Variants in NKAIN1 observed in about 807,000 individuals in gnomAD.
The protein encoded by NKAIN1 is sodium/potassium-transporting ATPase subunit beta-1-interacting protein 1.
In NKAIN1, 13 loss-of-function variants were observed where a neutral mutation model predicts 31.6. The ratio of observed to expected loss-of-function variants is 0.41; its 90% CI spans 0.27 to 0.65. NKAIN1 has a LOEUF of 0.65. NKAIN1 is among the 30% of genes least tolerant of loss of function. The probability of loss-of-function intolerance (pLI) is 0.30; values close to 1 mark genes in which losing one functional copy is unlikely to be tolerated. For synonymous variants in NKAIN1, 104 were observed against 109.0 expected, an observed-to-expected ratio of 0.95 and a Z score of 0.28; for missense variants, 193 against 262.2, an observed-to-expected ratio of 0.74 and a Z score of 1.82.
At chr1:31,212,731 T>G (rs1445821399) in intron 1 of NKAIN1, among the ~76,000 whole-genome samples, 5 of 149,062 alleles carry the variant, frequency 3.4e-5, no homozygotes, top group Admixed American at 6.7e-5. Flanking sequence ...CCAGGCCCGG[T>G]GGCTCAAGCC....
At position 31,216,657 on chromosome 1, in the gene NKAIN1, G is replaced by A. The variant is rs544649989; in HGVS notation, c.54+22837C>T. Among the ~76,000 whole-genome samples, 46 of 147,508 alleles carry A rather than the reference G, an allele frequency of 3.1e-4. 1 individual carries two copies. The highest frequency in any genetic ancestry group is 1.0e-3 in the Admixed American group (15 of 14,706). On this transcript the variant is annotated intron_variant, in intron 1 of 6. Transcript: ENST00000373736. ...GAGGGGCGAGGCCATCATCAGTGGG[G>A]TTTGATCTCCTAGGAACGCCTGTGG...
chr1:31,213,874 G>C (rs570440357), intron 1 of NKAIN1, among the ~76,000 whole-genome samples: 1 of 152,020 alleles, frequency 6.6e-6, no homozygotes, highest in South Asian at 2.1e-4. Context: ...CACACCTGTA[G>C]TCCCAGCTAC....
At chr1:31,222,866 T>C (rs1223898467) in intron 1 of NKAIN1, among the ~76,000 whole-genome samples, 1 of 152,240 alleles carries the variant, frequency 6.6e-6, no homozygotes, top group Admixed American at 6.5e-5. Context: ...TTTCCTCATC[T>C]GTACATGGGA....
At chr1:31,209,391 A>G (rs1259162495) in intron 1 of NKAIN1, among the ~76,000 whole-genome samples, 1 of 151,856 alleles carries the variant, frequency 6.6e-6, no homozygotes, top group East Asian at 1.9e-4. Context: ...AAACAAAACA[A>G]AACAAAAAAA....
intron 1 of NKAIN1, among the ~76,000 whole-genome samples, chr1:31,208,641 G>GCGT: frequency 6.6e-6 from 1 of 150,698 alleles, no homozygotes; most frequent in Admixed American, 6.6e-5. Flanking sequence ...GGGGGAGGGG[G>GCGT]CCCTGGAAAC....
At chr1:31,220,237 G>A (rs1206058988) in intron 1 of NKAIN1, among the ~76,000 whole-genome samples, 5 of 146,066 alleles carry the variant, frequency 3.4e-5, no homozygotes, top group Admixed American at 7.1e-5. Flanking sequence ...GGCTGGTCTC[G>A]AACTCCTGAC....
chr1:31,213,646 T>C (rs1645487589), intron 1 of NKAIN1, among the ~76,000 whole-genome samples: 1 of 152,188 alleles, frequency 6.6e-6, no homozygotes, highest in Non-Finnish European at 1.5e-5. Context: ...GCATTATTCA[T>C]GGCAGCCAAA....
chr1:31,218,071 T>TCTCTCTCTCTCTCTCTCTCTCTCTC (rs201070152), intron 1 of NKAIN1, among the ~76,000 whole-genome samples: 1 of 133,616 alleles, frequency 7.5e-6, no homozygotes, highest in African/African-American at 2.8e-5. Context: ...TTTCTTTCTT[T>TCTCTCTCTCTCTCTCTCTCTCTCTC]TTTTTTTTTG....
At chr1:31,208,670 G>C (rs1208133555) in intron 1 of NKAIN1, among the ~76,000 whole-genome samples, 1 of 151,944 alleles carries the variant, frequency 6.6e-6, no homozygotes, top group Non-Finnish European at 1.5e-5. Context: ...TAAGTGCACA[G>C]TTTGTTAGGC....
At chr1:31,181,979 C>T (rs760080717) in intron 5 of NKAIN1, 38 bp from the exon 6 acceptor site, 4 of 1,573,060 alleles carry the variant, frequency 2.5e-6, no homozygotes, top group Non-Finnish European at 3.5e-6. Context: ...GGATCGGCGG[C>T]GGGGGCGAGG....
chr1:31,180,639 G>A lies in NKAIN1; in HGVS notation c.*1064C>T, dbSNP rs1439268086. On this transcript the variant is annotated 3_prime_UTR_variant, in exon 7 of 7. Coordinates refer to ENST00000373736, the MANE Select transcript of NKAIN1 (RefSeq NM_024522.3). ...AGGTGGATGGAGCCGTCAGGGGTGA[G>A]TGGAGTTGTGGAGGTGATGGGGATA... The A allele has an allele frequency of 6.6e-6, 1 of 152,460 alleles. No individual in the cohort carries two copies. Among genetic ancestry groups the A allele is most frequent in the African/African-American group, 2.4e-5 (1 of 41,460 alleles). 9.4% of individuals were successfully genotyped at this position (152,460 alleles called of 1,614,324 possible).
At chr1:31,215,075 G>A (rs186058297) in intron 1 of NKAIN1, among the ~76,000 whole-genome samples, 64 of 113,104 alleles carry the variant, frequency 5.7e-4, no homozygotes, top group Admixed American at 1.5e-3. Context: ...GACCTCGTGG[G>A]AGGAGAAAAA....
rs1307059291 is a variant in NKAIN1 at position 31,218,362 on chromosome 1, G to A, written c.54+21132C>T. 2.0e-5 allele frequency among the ~76,000 whole-genome samples: 3 copies of A among 151,980 alleles called. No individual in the cohort carries two copies. The East Asian group carries it at 5.8e-4, about 29-fold the overall frequency. ...CAGGCATGAGCCACCGCACCTGGCCGCAGCTACCATTTTCTAAGCCTTAAC... is the reference window on the plus strand; with the variant it reads ...CAGGCATGAGCCACCGCACCTGGCCACAGCTACCATTTTCTAAGCCTTAAC... On this transcript the variant is annotated intron_variant, in intron 1 of 6. Coordinates refer to ENST00000373736, the MANE Select transcript of NKAIN1 (RefSeq NM_024522.3).
At chr1:31,192,547 T>A (rs1645294297) in intron 1 of NKAIN1, among the ~76,000 whole-genome samples, 3 of 151,258 alleles carry the variant, frequency 2.0e-5, no homozygotes, top group Admixed American at 2.0e-4. Context: ...GAGTGCAGAT[T>A]TAAATGAATT....
At chr1:31,202,028 C>T (rs1447921939) in intron 1 of NKAIN1, among the ~76,000 whole-genome samples, 1 of 152,220 alleles carries the variant, frequency 6.6e-6, no homozygotes, top group African/African-American at 2.4e-5. Flanking sequence ...CATCTGCTCA[C>T]CTTCTGCATC....
intron 1 of NKAIN1, among the ~76,000 whole-genome samples, chr1:31,206,411 TTTA>T (rs989746052): frequency 1.4e-4 from 22 of 151,760 alleles, no homozygotes; most frequent in African/African-American, 5.3e-4. Context: ...TTATTTTTAT[TTTA>T]TTTTTTAAAT....
intron 1 of NKAIN1, among the ~76,000 whole-genome samples, chr1:31,236,733 C>T (rs557540396): frequency 1.3e-5 from 2 of 152,344 alleles, no homozygotes; most frequent in East Asian, 3.9e-4. Flanking sequence ...TCTCATCTAA[C>T]TCAAGCCTCT....
At chr1:31,195,057 C>T (rs546160280) in intron 1 of NKAIN1, among the ~76,000 whole-genome samples, 128 of 151,992 alleles carry the variant, frequency 8.4e-4, no homozygotes, top group African/African-American at 2.7e-3. Context: ...AGGCGTGAGC[C>T]ACCGCGCCTG....
intron 1 of NKAIN1, among the ~76,000 whole-genome samples, chr1:31,209,939 G>T (rs938692799): frequency 6.0e-5 from 9 of 149,950 alleles, no homozygotes; most frequent in African/African-American, 1.7e-4. Flanking sequence ...GTGAGCTATT[G>T]TTGGGCCACT....
Sources: gnomAD v4.1 joint callset for allele counts (sites outside exome capture counted in the v4.1 genomes callset) on GRCh38, gnomAD v4.1.1 for gene constraint, MANE v1.5 for transcripts, NCBI Gene and HGNC (gene_info 2026-07-23, HGNC 2026-07-21) for gene names.